Variants in CCDC38 observed in about 807,000 individuals in gnomAD.
The protein encoded by CCDC38 is coiled-coil domain containing 38.
In CCDC38, 69 loss-of-function variants were observed where a neutral mutation model predicts 72.8. The observed-to-expected ratio is 0.95, with a 90% CI of 0.78 to 1.16. CCDC38 has a LOEUF of 1.16. CCDC38 is among the 50% of genes most tolerant of loss of function. CCDC38 has a pLI of 0.00. For synonymous variants in CCDC38, 201 were observed against 213.2 expected, an observed-to-expected ratio of 0.94 and a Z score of 0.50; for missense variants, 626 against 638.9, an observed-to-expected ratio of 0.98 and a Z score of 0.22.
intron 10 of CCDC38, among the ~76,000 whole-genome samples, chr12:95,882,262 G>A (rs1277354912): frequency 1.3e-5 from 2 of 152,128 alleles, no homozygotes; most frequent in Non-Finnish European, 2.9e-5. Context: ...GCAACGATGA[G>A]TAAGTGTGTG....
intron 1 of CCDC38, among the ~76,000 whole-genome samples, chr12:95,939,071 T>A (rs748864173): frequency 9.9e-5 from 15 of 152,196 alleles, no homozygotes; most frequent in Non-Finnish European, 1.9e-4. Context: ...AATTTCCCCA[T>A]CTTTCAAGAG....
intron 1 of CCDC38, among the ~76,000 whole-genome samples, chr12:95,941,980 T>C (rs566927061): frequency 3.4e-4 from 51 of 152,120 alleles, no homozygotes; most frequent in Non-Finnish European, 6.8e-4. Flanking sequence ...TATATTCTTA[T>C]TTATCGTGGT....
intron 8 of CCDC38, among the ~76,000 whole-genome samples, chr12:95,892,723 C>T (rs2079842267): frequency 6.6e-6 from 1 of 151,914 alleles, no homozygotes; most frequent in African/African-American, 2.4e-5. Context: ...GCATGCGCCA[C>T]CATGCCTGGC....
chr12:95,904,163 T>G (rs2079977870), intron 5 of CCDC38, among the ~76,000 whole-genome samples: 1 of 152,200 alleles, frequency 6.6e-6, no homozygotes, highest in Admixed American at 6.5e-5. Flanking sequence ...TGGCATAAAG[T>G]GTTTATAATA....
chr12:95,893,432 TCCC>T (rs2079851713), intron 8 of CCDC38, among the ~76,000 whole-genome samples: 3 of 51,026 alleles, frequency 5.9e-5, no homozygotes, highest in Admixed American at 5.1e-4. Context: ...CCTCCCTCCC[TCCC>T]TCCCTCCCTT....
intron 4 of CCDC38, among the ~76,000 whole-genome samples, 160 bp from the exon 5 acceptor site, chr12:95,906,611 T>G (rs2080004578): frequency 6.6e-6 from 1 of 152,154 alleles, no homozygotes; most frequent in Admixed American, 6.5e-5. Context: ...CAAACTAATT[T>G]AGTAATAGTA....
chr12:95,877,859 C>T (rs1292120796), intron 13 of CCDC38, among the ~76,000 whole-genome samples: 1 of 152,146 alleles, frequency 6.6e-6, no homozygotes, highest in African/African-American at 2.4e-5. Context: ...TGATTCATGG[C>T]TTCCTCTGTT....
At chr12:95,943,079 C>G (rs981336493), upstream of CCDC38, 1 of 292,528 alleles carries the variant, frequency 3.4e-6, no homozygotes. Context: ...TCACTTTGAT[C>G]TCTCGGGGTG....
rs1344420420 is a variant in CCDC38 at position 95,878,266 on chromosome 12, T to C, written c.1223A>G (p.Glu408Gly). 6.2e-7 allele frequency: 1 copy of C among 1,613,734 alleles called. No homozygotes were observed. The highest frequency in any genetic ancestry group is 1.1e-5 in the South Asian group (1 of 91,076). ...NCVREEEKAA[E>G]LQLKSKLFSF... ...AAAGAGCTTGGACTTTAATTGCAAT[T>C]CTGCTGCTTTCTCTTCTTCTCTCAC... The change falls in exon 13 of 16, where the codon GAA becomes GGA. Residue 408 changes from glutamate (E) to glycine (G), a missense_variant. Coordinates refer to ENST00000344280, the MANE Select transcript of CCDC38 (RefSeq NM_182496.3).
At chr12:95,908,323 G>C (rs1425241593) in intron 4 of CCDC38, among the ~76,000 whole-genome samples, 1 of 150,426 alleles carries the variant, frequency 6.6e-6, no homozygotes, top group East Asian at 2.0e-4. Context: ...CCAGTCAGGC[G>C]TGGCGGCGCG....
chr12:95,873,099 CG>C lies in CCDC38; in HGVS notation c.1279-640del, dbSNP rs1166227906. On this transcript the variant is annotated intron_variant, in intron 13 of 15. Coordinates refer to ENST00000344280, the MANE Select transcript of CCDC38 (RefSeq NM_182496.3). ...AATACAGGCAACAAACATTTTAAAT[CG>C]TTTTTTTGCCACTCGGATGCATTTC... 5.3e-5 allele frequency among the ~76,000 whole-genome samples: 8 copies of C among 152,262 alleles called. No homozygotes were observed. The South Asian group carries it at 1.7e-3, about 32-fold the overall frequency.
At chr12:95,916,268 C>T (rs2080142322) in intron 4 of CCDC38, among the ~76,000 whole-genome samples, 1 of 152,102 alleles carries the variant, frequency 6.6e-6, no homozygotes, top group Non-Finnish European at 1.5e-5. Flanking sequence ...TAATTATTGA[C>T]TCCAAAGCCC....
In CCDC38 at chr12:95,898,611, A is replaced by C. The variant is rs766636434; in HGVS notation, c.490T>G (p.Phe164Val). The part of the protein sequence containing the change: ...LQDDALAFEE[F>V]LRENDQRSVD... ...GATCTCTGGTCATTTTCTCGAAGGAACTCTTCAAAGGCCAGTGCATCATCT... is the reference window on the plus strand; with the variant it reads ...GATCTCTGGTCATTTTCTCGAAGGACCTCTTCAAAGGCCAGTGCATCATCT... The change falls in exon 6 of 16, where the codon TTC (phenylalanine) becomes GTC (valine). Residue 164 changes from phenylalanine to valine, a missense_variant. Transcript: ENST00000344280. The C allele has an allele frequency of 4.0e-5, 65 of 1,613,928 alleles. No individual in the cohort carries two copies. Among genetic ancestry groups the C allele is most frequent in the Non-Finnish European group, 5.4e-5 (64 of 1,179,958 alleles).
At chr12:95,918,738 C>A in intron 3 of CCDC38, 138 bp downstream of exon 3, 1 of 612,492 alleles carries the variant, frequency 1.6e-6, no homozygotes, top group Non-Finnish European at 2.9e-6. Flanking sequence ...TTCACACTGT[C>A]TCCCCATCAT....
chr12:95,889,927 C>T (rs952067035), intron 9 of CCDC38, among the ~76,000 whole-genome samples: 42 of 144,164 alleles, frequency 2.9e-4, no homozygotes, highest in African/African-American at 1.1e-3. Flanking sequence ...ATTTATTTGA[C>T]ATAGGGTCTC....
chr12:95,933,404 G>T lies in CCDC38; in HGVS notation c.37+3069C>A, dbSNP rs2136742236. 2.0e-5 allele frequency: 3 copies of T among 152,252 alleles called. 1 individual carries two copies. In the Middle Eastern group the frequency reaches 0.01, roughly 518 times the overall value. The allele number at this position is 152,252 out of a possible 1,614,324, so 9.4% of individuals were successfully genotyped here. ...TGTATTAAATAAGCATTTAACAGAA[G>T]AAGAAACATTTATGGTCAATAAACA... is the stretch of plus-strand genomic sequence containing the variant. On this transcript the variant is annotated intron_variant, in intron 2 of 15. Coordinates refer to ENST00000344280, the MANE Select transcript of CCDC38 (RefSeq NM_182496.3).
At position 95,898,729 on chromosome 12, in the gene CCDC38, A is replaced by G. The variant is rs758157400; in HGVS notation, c.372T>C (p.Tyr124=). The part of the protein sequence containing the change: ...NDQRDRFLLE[Y]ALSTKRNTIK... ...TTGTGTTTCTTTTGGTTGACAAAGC[A>G]TACTAGGGGCATTGAAGACAGAGGT... is the stretch of plus-strand genomic sequence containing the variant. The change falls in exon 6 of 16, where the codon TAT becomes TAC. Residue 124 remains tyrosine (Y), a splice_region_variant and synonymous_variant. Coordinates refer to ENST00000344280, the MANE Select transcript of CCDC38 (RefSeq NM_182496.3). The G allele has an allele frequency of 3.1e-6, 5 of 1,612,930 alleles. No homozygotes were observed. Among genetic ancestry groups the G allele is most frequent in the Non-Finnish European group, 2.5e-6 (3 of 1,179,770 alleles).
intron 4 of CCDC38, among the ~76,000 whole-genome samples, chr12:95,913,433 G>A (rs1039121783): frequency 2.6e-5 from 4 of 152,142 alleles, no homozygotes; most frequent in Non-Finnish European, 4.4e-5. Flanking sequence ...AAGAAGCTTC[G>A]AGAACCACTA....
chr12:95,877,127 A>G (rs570672578), intron 13 of CCDC38, among the ~76,000 whole-genome samples: 9 of 152,272 alleles, frequency 5.9e-5, no homozygotes, highest in African/African-American at 2.2e-4. Flanking sequence ...GAACTACCCA[A>G]ACCTCCCTGA....
Sources: allele counts gnomAD v4.1 joint callset (sites outside exome capture counted in the v4.1 genomes callset), GRCh38; gene constraint gnomAD v4.1.1; transcripts MANE v1.5; gene names NCBI Gene and HGNC (gene_info 2026-07-23, HGNC 2026-07-21).